TOP6BL: variants seen among roughly 807,000 people sequenced by gnomAD.
TOP6BL encodes the protein TOP6B like initiator of meiotic double strand breaks.
At chr11:66,792,310 G>C in the TOP6BL span, among the ~76,000 whole-genome samples, 1 of 152,124 alleles carries the variant, frequency 6.6e-6, no homozygotes, top group Non-Finnish European at 1.5e-5. Context: ...AAATTAGTCT[G>C]TCTCATCTAC....
At chr11:66,792,096 C>T in the TOP6BL span, among the ~76,000 whole-genome samples, 1 of 152,126 alleles carries the variant, frequency 6.6e-6, no homozygotes, top group African/African-American at 2.4e-5. Flanking sequence ...AGGCGTGAGC[C>T]GCCGCACCCA....
the TOP6BL span, among the ~76,000 whole-genome samples, chr11:66,805,412 T>G: frequency 6.6e-6 from 1 of 151,756 alleles, no homozygotes; most frequent in East Asian, 1.9e-4. Flanking sequence ...ATTTCTATTC[T>G]ATGTCTGTCT....
the TOP6BL span, chr11:66,842,966 C>T: frequency 1.3e-6 from 2 of 1,551,302 alleles, no homozygotes; most frequent in Middle Eastern, 2.1e-4. Context: ...CCGCGCCGCC[C>T]GGAAGCCACC....
the TOP6BL span, among the ~76,000 whole-genome samples, chr11:66,819,334 G>A: frequency 2.6e-5 from 4 of 151,946 alleles, no homozygotes; most frequent in Non-Finnish European, 5.9e-5. Flanking sequence ...AATGAACTTT[G>A]ACTTTTAAAT....
chr11:66,798,747 T>G, the TOP6BL span, among the ~76,000 whole-genome samples: 1 of 151,988 alleles, frequency 6.6e-6, no homozygotes, highest in Admixed American at 6.6e-5. Flanking sequence ...CAGGCAAGCA[T>G]TAAGTATGTT....
the TOP6BL span, among the ~76,000 whole-genome samples, chr11:66,802,287 G>A: frequency 6.6e-6 from 1 of 151,938 alleles, no homozygotes; most frequent in East Asian, 1.9e-4. Flanking sequence ...TGAGTAGCTG[G>A]GACTATAGGT....
At chr11:66,785,647 A>G in the TOP6BL span, among the ~76,000 whole-genome samples, 1 of 152,226 alleles carries the variant, frequency 6.6e-6, no homozygotes, top group Non-Finnish European at 1.5e-5. Flanking sequence ...TTAATAGATT[A>G]TATAGTTCTG....
the TOP6BL span, chr11:66,758,302 C>CTGTTTTTTTTTTTTTTTTTTTTTTTTTT: frequency 1.5e-5 from 1 of 67,318 alleles, no homozygotes; most frequent in Non-Finnish European, 2.5e-5. Context: ...TTTTCTTTTT[C>CTGTTTTTTTTTTTTTTTTTTTTTTTTTT]TTTTTTTTTT....
the TOP6BL span, among the ~76,000 whole-genome samples, chr11:66,809,621 A>G: frequency 6.6e-6 from 1 of 152,228 alleles, no homozygotes; most frequent in African/African-American, 2.4e-5. Flanking sequence ...TATTGTATGC[A>G]TACTTATGAT....
chr11:66,824,421 T>C, the TOP6BL span, among the ~76,000 whole-genome samples: 1 of 31,660 alleles, frequency 3.2e-5, no homozygotes, highest in Non-Finnish European at 5.7e-5. Context: ...AATTTTGTAT[T>C]TATTATTATT....
At chr11:66,783,467 C>T in the TOP6BL span, among the ~76,000 whole-genome samples, 1 of 152,186 alleles carries the variant, frequency 6.6e-6, no homozygotes. Context: ...ACTGGATCAT[C>T]TTCTGACATT....
chr11:66,801,393 A>G, the TOP6BL span, among the ~76,000 whole-genome samples: 3 of 152,222 alleles, frequency 2.0e-5, no homozygotes, highest in African/African-American at 4.8e-5. Context: ...AGAAGAGAAG[A>G]CTATGAATTT....
chr11:66,815,906 G>A, the TOP6BL span: 1 of 682,182 alleles, frequency 1.5e-6, no homozygotes. Context: ...TGTGGATAGA[G>A]AAACAGGTTC....
the TOP6BL span, among the ~76,000 whole-genome samples, chr11:66,824,694 GTGT>G: frequency 6.8e-6 from 1 of 148,108 alleles, no homozygotes; most frequent in African/African-American, 2.5e-5. Flanking sequence ...AGAACATGTG[GTGT>G]TTGGTTTTTT....
chr11:66,769,303 A>G, the TOP6BL span, among the ~76,000 whole-genome samples: 1 of 152,194 alleles, frequency 6.6e-6, no homozygotes, highest in Non-Finnish European at 1.5e-5. Flanking sequence ...AATCTTCATG[A>G]CCTTGGATTA....
the TOP6BL span, among the ~76,000 whole-genome samples, chr11:66,798,597 CAAAAAAAAAA>C: frequency 4.6e-5 from 2 of 43,240 alleles, no homozygotes; most frequent in South Asian, 8.0e-4. Context: ...GACTCTGTCT[CAAAAAAAAAA>C]AAAAAAAAAA....
At chr11:66,819,859 C>T in the TOP6BL span, among the ~76,000 whole-genome samples, 11 of 146,026 alleles carry the variant, frequency 7.5e-5, no homozygotes, top group Non-Finnish European at 1.0e-4. Context: ...GCCGAGATCA[C>T]GCCATTGCAC....
the TOP6BL span, among the ~76,000 whole-genome samples, chr11:66,839,481 G>A: frequency 6.6e-6 from 1 of 152,168 alleles, no homozygotes; most frequent in South Asian, 2.1e-4. Context: ...CTGGGTCAAG[G>A]GAAGCTGGGG....
the TOP6BL span, among the ~76,000 whole-genome samples, chr11:66,799,549 T>C: frequency 8.4e-6 from 1 of 118,794 alleles, no homozygotes; most frequent in Non-Finnish European, 1.8e-5. Context: ...CCATCTCTAC[T>C]AAAAATACAA....
Sources: allele counts gnomAD v4.1 joint callset (sites outside exome capture counted in the v4.1 genomes callset), GRCh38; gene constraint gnomAD v4.1.1; transcripts MANE v1.5; gene names NCBI Gene and HGNC (gene_info 2026-07-23, HGNC 2026-07-21).